B3GALT1: variants seen among roughly 807,000 people sequenced by gnomAD.
B3GALT1 encodes UDP-Gal:betaGlcNAc beta 1,3-galactosyltransferase, polypeptide 1.
B3GALT1 carries 10 observed loss-of-function variants against 23.2 expected under a neutral mutation model. That is an observed-to-expected ratio of 0.43 (90% CI 0.27 to 0.73). The LOEUF is 0.73. Among genes scored for constraint, B3GALT1 ranks in the 30% least tolerant of loss-of-function variants. The probability of loss-of-function intolerance (pLI) is 0.21; values close to 1 mark genes in which losing one functional copy is unlikely to be tolerated. For missense variants in B3GALT1, 299 were observed against 405.4 expected, an observed-to-expected ratio of 0.74 and a Z score of 2.25; for synonymous variants, 156 against 141.5, an observed-to-expected ratio of 1.10 and a Z score of -0.73.
At chr2:167,798,011 G>A (rs1688571937) in intron 3 of B3GALT1, among the ~76,000 whole-genome samples, 1 of 152,092 alleles carries the variant, frequency 6.6e-6, no homozygotes, top group Non-Finnish European at 1.5e-5. Flanking sequence ...GCCCCTCATT[G>A]TGGTTTTGGT....
chr2:167,671,931 A>G (rs1686333664), intron 3 of B3GALT1, among the ~76,000 whole-genome samples: 1 of 152,132 alleles, frequency 6.6e-6, no homozygotes. Flanking sequence ...CATAAATTAA[A>G]GAAGAGATAT....
chr2:167,734,440 T>A (rs964713766), intron 3 of B3GALT1, among the ~76,000 whole-genome samples: 4 of 152,194 alleles, frequency 2.6e-5, no homozygotes, highest in African/African-American at 4.8e-5. Context: ...CTTTTCAGTT[T>A]CTGTGGACGT....
chr2:167,484,316 A>T lies in B3GALT1; in HGVS notation c.-510-5861A>T, dbSNP rs149344076. Among the ~76,000 whole-genome samples, 17 of 152,298 alleles carry T rather than the reference A, an allele frequency of 1.1e-4. No individual in the cohort carries two copies. In the East Asian group the frequency reaches 2.7e-3, roughly 24 times the overall value. On this transcript the variant is annotated intron_variant, in intron 1 of 4. Transcript: ENST00000392690. ...GTCAACAAAAAAAAAGTCAAACTCT[A>T]TAAAGTATTTAAAAAGGTTTATTTT...
At chr2:167,521,954 C>T (rs1700193087) in intron 2 of B3GALT1, among the ~76,000 whole-genome samples, 2 of 128,546 alleles carry the variant, frequency 1.6e-5, no homozygotes, top group South Asian at 5.3e-4. Flanking sequence ...TGAAAATAGA[C>T]ATTACCAACA....
intron 2 of B3GALT1, among the ~76,000 whole-genome samples, chr2:167,626,711 G>A (rs1685353802): frequency 6.6e-6 from 1 of 151,602 alleles, no homozygotes; most frequent in African/African-American, 2.4e-5. Flanking sequence ...ATATAATATG[G>A]TTATTTATTC....
In B3GALT1 at chr2:167,464,309, G is replaced by A. The variant is rs923951891; in HGVS notation, c.-510-25868G>A. 3.3e-5 allele frequency among the ~76,000 whole-genome samples: 5 copies of A among 152,066 alleles called. No homozygotes were observed. The South Asian group carries it at 6.2e-4, about 19-fold the overall frequency. ...CAAAACAATGGAAATGCAAGTTCTT[G>A]ATCTGTATGAAATATAATCATTCTT... On this transcript the variant is annotated intron_variant, in intron 1 of 4. Coordinates refer to ENST00000392690, the MANE Select transcript of B3GALT1 (RefSeq NM_020981.4).
At chr2:167,530,895 C>T (rs1197649811) in intron 2 of B3GALT1, among the ~76,000 whole-genome samples, 1 of 152,092 alleles carries the variant, frequency 6.6e-6, no homozygotes, top group Non-Finnish European at 1.5e-5. Context: ...ATACAATCTG[C>T]TTAGGTAGAT....
chr2:167,869,460 A>G lies in B3GALT1; in HGVS notation c.421A>G (p.Ile141Val), dbSNP rs1167922048. The change falls in exon 5 of 5, where the codon ATC becomes GTC. Residue 141 changes from isoleucine to valine, a missense_variant. Ile to Val is a conservative substitution (Grantham distance 29). Coordinates refer to ENST00000392690, the MANE Select transcript of B3GALT1 (RefSeq NM_020981.4). The surrounding 1 kb of genome is among the most constrained non-coding windows in gnomAD (Gnocchi z 6.4). ...AGAGAGCCAAATCTTCCATGATATCATCGTGGAGGACTTTATTGACTCCTA... is the reference window on the plus strand; with the variant it reads ...AGAGAGCCAAATCTTCCATGATATCGTCGTGGAGGACTTTATTGACTCCTA... Reference protein sequence around the residue: ...EQESQIFHDIIVEDFIDSYHN... With the variant: ...EQESQIFHDIVVEDFIDSYHN... 1 of 1,613,916 alleles carries G rather than the reference A, an allele frequency of 6.2e-7. No individual in the cohort carries two copies. Among genetic ancestry groups the G allele is most frequent in the East Asian group, 2.2e-5 (1 of 44,866 alleles).
chr2:167,732,275 T>C (rs2105266702), intron 3 of B3GALT1, among the ~76,000 whole-genome samples: 1 of 152,278 alleles, frequency 6.6e-6, no homozygotes, highest in South Asian at 2.1e-4. Context: ...TTTATTGATA[T>C]TGTAAAATAT....
At chr2:167,764,717 G>A (rs916593480) in intron 3 of B3GALT1, among the ~76,000 whole-genome samples, 6 of 152,268 alleles carry the variant, frequency 3.9e-5, no homozygotes, top group South Asian at 2.1e-4. Context: ...AAACATAACA[G>A]TGCAAATAAT....
intron 3 of B3GALT1, among the ~76,000 whole-genome samples, chr2:167,797,841 A>T (rs1688569013): frequency 6.6e-6 from 1 of 152,122 alleles, no homozygotes; most frequent in Non-Finnish European, 1.5e-5. Context: ...AGTAGCTGGG[A>T]CTACAGGTGC....
chr2:167,794,165 A>T (rs890393569), intron 3 of B3GALT1, among the ~76,000 whole-genome samples: 1 of 152,192 alleles, frequency 6.6e-6, no homozygotes, highest in Non-Finnish European at 1.5e-5. Context: ...CTGCTTTGAA[A>T]TATTTCTAGT....
intron 1 of B3GALT1, among the ~76,000 whole-genome samples, chr2:167,352,041 C>G (rs1466630690): frequency 2.0e-5 from 3 of 148,528 alleles, no homozygotes; most frequent in Non-Finnish European, 4.4e-5. Flanking sequence ...CTCACTGCAA[C>G]CTCTGCCTCC....
intron 2 of B3GALT1, among the ~76,000 whole-genome samples, chr2:167,626,507 A>G (rs982762718): frequency 1.6e-4 from 25 of 151,708 alleles, no homozygotes; most frequent in African/African-American, 5.3e-4. Context: ...AAATGTTGCC[A>G]AACAGGCAGA....
intron 1 of B3GALT1, among the ~76,000 whole-genome samples, chr2:167,372,448 A>T (rs1283007989): frequency 6.6e-6 from 1 of 152,122 alleles, no homozygotes; most frequent in African/African-American, 2.4e-5. Flanking sequence ...GATGAAGCCC[A>T]GAGGCCCCCT....
At chr2:167,456,231 TGA>T (rs1375775336) in intron 1 of B3GALT1, among the ~76,000 whole-genome samples, 1 of 150,804 alleles carries the variant, frequency 6.6e-6, no homozygotes, top group Non-Finnish European at 1.5e-5. Flanking sequence ...CAAGAGGGAG[TGA>T]GAGAGAGAGG....
chr2:167,634,534 C>A (rs1246210213), intron 2 of B3GALT1, among the ~76,000 whole-genome samples: 1 of 152,044 alleles, frequency 6.6e-6, no homozygotes, highest in African/African-American at 2.4e-5. Flanking sequence ...ACTGATCCCA[C>A]AGAAATACAA....
chr2:167,644,576 C>G (rs1009747953), intron 2 of B3GALT1, among the ~76,000 whole-genome samples: 8 of 151,904 alleles, frequency 5.3e-5, no homozygotes, highest in Non-Finnish European at 1.2e-4. Context: ...GTCAGGAGAT[C>G]GAGACCATCC....
intron 1 of B3GALT1, among the ~76,000 whole-genome samples, chr2:167,376,643 A>T (rs190925533): frequency 6.6e-6 from 1 of 152,226 alleles, no homozygotes; most frequent in Admixed American, 6.5e-5. Context: ...TGTTCATAAT[A>T]GTCTTTGAGG....
Sources: gnomAD v4.1 joint callset for allele counts (sites outside exome capture counted in the v4.1 genomes callset) on GRCh38, gnomAD v4.1.1 for gene constraint, Gnocchi (gnomAD v3.1) non-coding constraint, MANE v1.5 for transcripts, NCBI Gene and HGNC (gene_info 2026-07-23, HGNC 2026-07-21) for gene names.